The following TMEM132D variants were observed in gnomAD, a reference collection of about 807,000 sequenced individuals.
TMEM132D encodes the protein transmembrane protein 132D.
TMEM132D carries 21 observed loss-of-function variants against 62.3 expected under a neutral mutation model. The observed-to-expected ratio is 0.34, with a 90% CI of 0.24 to 0.49. TMEM132D has a LOEUF of 0.49. TMEM132D is among the 20% of genes least tolerant of loss of function. TMEM132D has a pLI of 0.99. For missense variants in TMEM132D, 1,346 were observed against 1,402.8 expected, an observed-to-expected ratio of 0.96 and a Z score of 0.65; for synonymous variants, 621 against 575.6, an observed-to-expected ratio of 1.08 and a Z score of -1.13.
chr12:129,747,738 ACTT>A (rs1869854487), intron 1 of TMEM132D, among the ~76,000 whole-genome samples: 1 of 148,444 alleles, frequency 6.7e-6, no homozygotes, highest in Admixed American at 6.7e-5. Flanking sequence ...ACACACACAC[ACTT>A]GACACACACA....
In TMEM132D at chr12:129,309,311, T is replaced by C. The variant is rs1188241930; in HGVS notation, c.1299+28323A>G. ...TGGCATCTTTGTTGTTGTTGTTAAA[T>C]GCAAAGGGAAGGCATAGTCCAATTA... On this transcript the variant is annotated intron_variant, in intron 4 of 8. Coordinates refer to ENST00000422113, the MANE Select transcript of TMEM132D (RefSeq NM_133448.3). Among the ~76,000 whole-genome samples, 3 of 152,334 alleles carry C rather than the reference T, an allele frequency of 2.0e-5. No homozygotes were observed. In the East Asian group the frequency reaches 5.8e-4, roughly 29 times the overall value.
chr12:129,169,551 GGTT>G (rs1392396421), intron 5 of TMEM132D, among the ~76,000 whole-genome samples: 3 of 152,148 alleles, frequency 2.0e-5, no homozygotes, highest in Non-Finnish European at 4.4e-5. Flanking sequence ...ACTTTTACTT[GGTT>G]GTTCTGTTAT....
intron 5 of TMEM132D, among the ~76,000 whole-genome samples, chr12:129,101,426 TC>T (rs1875305586): frequency 6.6e-6 from 1 of 151,952 alleles, no homozygotes; most frequent in African/African-American, 2.4e-5. Context: ...GTTACTGGAG[TC>T]CCCACCATTC....
rs570103843 is a variant in TMEM132D at position 129,449,973 on chromosome 12, G to C, written c.1115+81086C>G. Among the ~76,000 whole-genome samples the C allele has an allele frequency of 8.5e-5, 13 of 152,298 alleles. No homozygotes were observed. The East Asian group carries it at 2.1e-3, about 25-fold the overall frequency. ...TTGATCTGCATTTCTCTAATGATCA[G>C]TGATGAGCTTTTTTCCATATGATTG... is the stretch of plus-strand genomic sequence containing the variant. On this transcript the variant is annotated intron_variant, in intron 3 of 8. Coordinates refer to ENST00000422113, the MANE Select transcript of TMEM132D (RefSeq NM_133448.3).
chr12:129,583,309 A>C (rs1877931352), intron 2 of TMEM132D, among the ~76,000 whole-genome samples: 1 of 152,168 alleles, frequency 6.6e-6, no homozygotes, highest in Non-Finnish European at 1.5e-5. Context: ...GAAGCAGATC[A>C]TTGGCTGCCT....
chr12:129,127,933 C>T (rs1876264817), intron 5 of TMEM132D, among the ~76,000 whole-genome samples: 1 of 152,230 alleles, frequency 6.6e-6, no homozygotes. Context: ...CGCCCTGAGG[C>T]TTCTGTGCAG....
At chr12:129,902,362 T>C (rs1490113370) in intron 1 of TMEM132D, among the ~76,000 whole-genome samples, 1 of 152,136 alleles carries the variant, frequency 6.6e-6, no homozygotes, top group Non-Finnish European at 1.5e-5. Flanking sequence ...TCCCAGTGTA[T>C]CTATCTGCAG....
chr12:129,553,523 T>A (rs1277003383), intron 2 of TMEM132D, among the ~76,000 whole-genome samples: 1 of 152,164 alleles, frequency 6.6e-6, no homozygotes, highest in Non-Finnish European at 1.5e-5. Context: ...ATGGAAAATG[T>A]TTTGCAGCTG....
intron 1 of TMEM132D, among the ~76,000 whole-genome samples, chr12:129,899,548 G>A (rs1875281608): frequency 6.6e-6 from 1 of 152,102 alleles, no homozygotes; most frequent in African/African-American, 2.4e-5. Flanking sequence ...GATGATGGGT[G>A]AATACATGGG....
chr12:129,500,341 A>T (rs535714182), intron 3 of TMEM132D, among the ~76,000 whole-genome samples: 2 of 151,892 alleles, frequency 1.3e-5, no homozygotes, highest in South Asian at 4.2e-4. Flanking sequence ...GTTACCTCCA[A>T]CAAATACCCT....
intron 1 of TMEM132D, among the ~76,000 whole-genome samples, chr12:129,719,503 T>C (rs893007937): frequency 5.3e-5 from 8 of 152,222 alleles, no homozygotes; most frequent in African/African-American, 1.7e-4. Context: ...TCTGAATTCA[T>C]ATGAGTGACA....
At chr12:129,147,067 A>C (rs1876920431) in intron 5 of TMEM132D, among the ~76,000 whole-genome samples, 1 of 152,166 alleles carries the variant, frequency 6.6e-6, no homozygotes, top group African/African-American at 2.4e-5. Flanking sequence ...AATAATGCAA[A>C]GAAAAGAATA....
chr12:129,077,979 G>A (rs1164773623), intron 8 of TMEM132D, among the ~76,000 whole-genome samples: 1 of 152,134 alleles, frequency 6.6e-6, no homozygotes. Context: ...GCTCACACTG[G>A]TTCCAAATAA....
At chr12:129,352,724 C>T (rs1280722449) in intron 3 of TMEM132D, among the ~76,000 whole-genome samples, 3 of 152,072 alleles carry the variant, frequency 2.0e-5, no homozygotes, top group Non-Finnish European at 4.4e-5. Flanking sequence ...CCATCTCATG[C>T]CAGTCAGAAT....
intron 2 of TMEM132D, among the ~76,000 whole-genome samples, chr12:129,639,630 A>G (rs1879590892): frequency 6.6e-6 from 1 of 152,104 alleles, no homozygotes; most frequent in African/African-American, 2.4e-5. Context: ...CTACACAGCA[A>G]ACAACAAGCC....
At chr12:129,278,093 T>C (rs1168258830) in intron 4 of TMEM132D, among the ~76,000 whole-genome samples, 1 of 152,106 alleles carries the variant, frequency 6.6e-6, no homozygotes, top group East Asian at 1.9e-4. Context: ...TAGGGTCTGG[T>C]TCTAACTGCT....
intron 4 of TMEM132D, among the ~76,000 whole-genome samples, chr12:129,294,884 G>T (rs1443915757): frequency 3.9e-5 from 6 of 152,144 alleles, no homozygotes; most frequent in Non-Finnish European, 8.8e-5. Context: ...AGTTTGGTGG[G>T]ATTTTTGATA....
At chr12:129,215,321 C>T (rs1299359590) in intron 4 of TMEM132D, among the ~76,000 whole-genome samples, 3 of 151,990 alleles carry the variant, frequency 2.0e-5, no homozygotes, top group Non-Finnish European at 4.4e-5. Flanking sequence ...CACACTGGGG[C>T]CTATGTGAGG....
At position 129,291,849 on chromosome 12, in the gene TMEM132D, G is replaced by A. The variant is rs544785756; in HGVS notation, c.1299+45785C>T. On this transcript the variant is annotated intron_variant, in intron 4 of 8. Coordinates refer to ENST00000422113, the MANE Select transcript of TMEM132D (RefSeq NM_133448.3). ...TTTCTGTTCTAAGCAGAGGCTAGGA[G>A]GCTGGGGAAGGTCAAAGCCAACATC... Among the ~76,000 whole-genome samples the A allele has an allele frequency of 2.6e-5, 4 of 152,254 alleles. No homozygotes were observed. The South Asian group carries it at 8.3e-4, about 32-fold the overall frequency.
Sources: gnomAD v4.1 joint callset for allele counts (sites outside exome capture counted in the v4.1 genomes callset) on GRCh38, gnomAD v4.1.1 for gene constraint, MANE v1.5 for transcripts, NCBI Gene and HGNC (gene_info 2026-07-23, HGNC 2026-07-21) for gene names.